MRPS6: variants seen among roughly 807,000 people sequenced by gnomAD.
MRPS6 encodes the protein mitochondrial ribosomal protein S6.
MRPS6 carries 6 observed loss-of-function variants against 13.1 expected under a neutral mutation model. The observed-to-expected ratio is 0.46, with a 90% CI of 0.25 to 0.91. MRPS6 has a LOEUF of 0.91. Among genes scored for constraint, MRPS6 ranks in the 40% least tolerant of loss-of-function variants. The pLI is 0.18. For missense variants in MRPS6, 164 were observed against 155.6 expected (o/e 1.05, Z -0.29); for synonymous variants, 61 against 56.5 (o/e 1.08, Z -0.36).
At chr21:34,133,091 A>C (rs939963431) in intron 2 of MRPS6, among the ~76,000 whole-genome samples, 5 of 152,184 alleles carry the variant, frequency 3.3e-5, no homozygotes, top group African/African-American at 1.2e-4. Flanking sequence ...CTCAATTGCC[A>C]CACGGAGTGG....
chr21:34,142,217 T>C (rs1314446940), intron 2 of MRPS6, among the ~76,000 whole-genome samples, 191 bp from the exon 3 acceptor site: 9 of 152,196 alleles, frequency 5.9e-5, no homozygotes, highest in African/African-American at 2.2e-4. Flanking sequence ...AAAGGGAGAT[T>C]GGGCTTAACA....
chr21:34,077,803 A>G (rs981564022), intron 1 of MRPS6, among the ~76,000 whole-genome samples: 63 of 152,222 alleles, frequency 4.1e-4, no homozygotes, highest in African/African-American at 1.5e-3. Flanking sequence ...AAGTATAATC[A>G]GTTCCTAAAA....
At chr21:34,108,443 G>T (rs1331066438) in intron 1 of MRPS6, among the ~76,000 whole-genome samples, 2 of 152,176 alleles carry the variant, frequency 1.3e-5, no homozygotes, top group East Asian at 3.8e-4. Context: ...CGCCTTCTAG[G>T]TGTGCAGAAG....
At chr21:34,129,772 G>A (rs1458193849) in intron 2 of MRPS6, among the ~76,000 whole-genome samples, 3 of 152,090 alleles carry the variant, frequency 2.0e-5, no homozygotes, top group African/African-American at 7.2e-5. Flanking sequence ...TTCTGACCCC[G>A]TTCTCGTGTG....
At chr21:34,124,248 C>T (rs1980222471) in intron 1 of MRPS6, 1 of 152,240 alleles carries the variant, frequency 6.6e-6, no homozygotes, top group South Asian at 2.1e-4. Flanking sequence ...CTCCAGCTCT[C>T]CTTTTAGCTG....
chr21:34,074,609 A>C (rs1989279859), intron 1 of MRPS6, among the ~76,000 whole-genome samples: 1 of 152,068 alleles, frequency 6.6e-6, no homozygotes, highest in African/African-American at 2.4e-5. Flanking sequence ...TGTACTCCTC[A>C]AGTCGTCGCC....
chr21:34,079,633 T>A (rs1236840759), intron 1 of MRPS6, among the ~76,000 whole-genome samples: 12 of 72,576 alleles, frequency 1.7e-4, no homozygotes, highest in Middle Eastern at 9.3e-3. Context: ...TTTTTTTTTT[T>A]AGTAGAGATG....
chr21:34,073,615 C>G lies in MRPS6; in HGVS notation c.-86C>G, dbSNP rs926695423. 2 of 1,226,610 alleles carry G rather than the reference C, an allele frequency of 1.6e-6. No individual in the cohort carries two copies. The highest frequency in any genetic ancestry group is 1.1e-6 in the Non-Finnish European group (1 of 882,096). 76.0% of individuals were successfully genotyped at this position (1,226,610 alleles called of 1,614,324 possible). A position where few individuals can be genotyped will look rare whatever the true frequency, so the allele number is the denominator to read the frequency against. Reference sequence around the variant, plus strand: ...TGGGAGCCGTCCGGCGCAGCAGTTTCTAGGTCCCCACTGTCCCCGCCGTCC... The same window carrying G: ...TGGGAGCCGTCCGGCGCAGCAGTTTGTAGGTCCCCACTGTCCCCGCCGTCC... On this transcript the variant is annotated 5_prime_UTR_variant, in exon 1 of 3. Transcript: ENST00000399312.
chr21:34,109,872 A>G (rs551036575), intron 1 of MRPS6, among the ~76,000 whole-genome samples: 1 of 151,614 alleles, frequency 6.6e-6, no homozygotes, highest in East Asian at 1.9e-4. Flanking sequence ...AATATATATC[A>G]TTTTTATTTG....
At chr21:34,100,929 G>A in intron 1 of MRPS6, 1 of 1,000,182 alleles carries the variant, frequency 1.0e-6, no homozygotes, top group Non-Finnish European at 1.2e-6. Flanking sequence ...GCTTGGCAGT[G>A]TTAAAGCTTA....
In MRPS6 at chr21:34,073,611, G is replaced by C. The variant is rs1378244665; in HGVS notation, c.-90G>C. The C allele has an allele frequency of 5.8e-6, 7 of 1,198,036 alleles. No homozygotes were observed. The highest frequency in any genetic ancestry group is 2.5e-4 in the Middle Eastern group (1 of 4,016). The allele number at this position is 1,198,036 out of a possible 1,614,324, so 74.2% of individuals were successfully genotyped here. On this transcript the variant is annotated 5_prime_UTR_variant, in exon 1 of 3. Coordinates refer to ENST00000399312, the MANE Select transcript of MRPS6 (RefSeq NM_032476.4). ...CGCCTGGGAGCCGTCCGGCGCAGCA[G>C]TTTCTAGGTCCCCACTGTCCCCGCC...
chr21:34,078,688 A>G (rs1989390002), intron 1 of MRPS6, among the ~76,000 whole-genome samples: 1 of 152,196 alleles, frequency 6.6e-6, no homozygotes, highest in African/African-American at 2.4e-5. Flanking sequence ...CTGTGTTTGT[A>G]CTACTACATG....
chr21:34,120,103 T>C (rs1980068026), intron 1 of MRPS6, among the ~76,000 whole-genome samples: 1 of 152,230 alleles, frequency 6.6e-6, no homozygotes, highest in Non-Finnish European at 1.5e-5. Flanking sequence ...CATTAACTTT[T>C]CCTAGCAGTA....
intron 2 of MRPS6, among the ~76,000 whole-genome samples, 195 bp downstream of exon 2, chr21:34,125,675 A>G (rs1980279803): frequency 6.6e-6 from 1 of 152,128 alleles, no homozygotes; most frequent in African/African-American, 2.4e-5. Flanking sequence ...CTATGATCTG[A>G]GTTCAAAACT....
At chr21:34,126,361 A>G (rs578159749) in intron 2 of MRPS6, among the ~76,000 whole-genome samples, 1 of 152,318 alleles carries the variant, frequency 6.6e-6, no homozygotes, top group Admixed American at 6.5e-5. Flanking sequence ...AGTACGTGTG[A>G]TAGGGCCTGA....
intron 2 of MRPS6, among the ~76,000 whole-genome samples, chr21:34,132,778 C>T (rs1203572944): frequency 1.3e-5 from 2 of 152,108 alleles, no homozygotes; most frequent in Non-Finnish European, 2.9e-5. Context: ...TGGTCCTTTC[C>T]AGCACTTCCA....
chr21:34,079,368 G>A (rs1276695785), intron 1 of MRPS6, among the ~76,000 whole-genome samples: 1 of 152,048 alleles, frequency 6.6e-6, no homozygotes, highest in Non-Finnish European at 1.5e-5. Flanking sequence ...CAATTTTCTA[G>A]GTGCATCATT....
intron 2 of MRPS6, chr21:34,135,751 A>G (rs1980675034): frequency 8.6e-6 from 4 of 463,706 alleles, no homozygotes; most frequent in Middle Eastern, 3.3e-4. Context: ...GAGCAGGTGG[A>G]TGAAATGGAA....
intron 1 of MRPS6, among the ~76,000 whole-genome samples, chr21:34,086,517 T>TTG (rs34988334): frequency 0.021 from 3,168 of 148,358 alleles, 54 homozygotes; most frequent in African/African-American, 0.042. Context: ...TAGTTTGTGT[T>TTG]TGTGTGTGTG....
Sources: allele counts gnomAD v4.1 joint callset (sites outside exome capture counted in the v4.1 genomes callset), GRCh38; gene constraint gnomAD v4.1.1; transcripts MANE v1.5; gene names NCBI Gene and HGNC (gene_info 2026-07-23, HGNC 2026-07-21).